HS2ST1: variants seen among roughly 807,000 people sequenced by gnomAD.
HS2ST1 encodes the protein 2-O-sulfotransferase.
A neutral mutation model predicts 42.9 loss-of-function variants in HS2ST1; 18 were observed. The observed-to-expected ratio is 0.42, with a 90% CI of 0.29 to 0.62. HS2ST1 has a LOEUF of 0.62. HS2ST1 is among the 20% of genes least tolerant of loss of function. The probability of loss-of-function intolerance (pLI) is 0.21; values close to 1 mark genes in which losing one functional copy is unlikely to be tolerated. For missense variants in HS2ST1, 334 were observed against 433.8 expected (o/e 0.77, Z 2.04); for synonymous variants, 146 against 152.9 (o/e 0.95, Z 0.33).
chr1:87,086,683 A>G (rs746660758), intron 3 of HS2ST1, among the ~76,000 whole-genome samples: 9 of 152,274 alleles, frequency 5.9e-5, no homozygotes, highest in Non-Finnish European at 1.2e-4. Context: ...TACTCAAGCC[A>G]TGTTTTGATT....
At chr1:87,050,455 T>C (rs1650803504) in intron 1 of HS2ST1, among the ~76,000 whole-genome samples, 1 of 151,362 alleles carries the variant, frequency 6.6e-6, no homozygotes, top group African/African-American at 2.4e-5. Flanking sequence ...GGGACTACAT[T>C]AGAAATAAAA....
intron 1 of HS2ST1, among the ~76,000 whole-genome samples, chr1:87,028,246 A>G (rs1255066150): frequency 6.6e-6 from 1 of 152,214 alleles, no homozygotes; most frequent in Non-Finnish European, 1.5e-5. Context: ...CTGGGCCACA[A>G]TTTCTAAACT....
chr1:87,059,012 T>C (rs1651049459), intron 1 of HS2ST1, among the ~76,000 whole-genome samples: 1 of 151,260 alleles, frequency 6.6e-6, no homozygotes, highest in African/African-American at 2.4e-5. Flanking sequence ...TGAGCCGAGA[T>C]CACACCACTG....
At chr1:87,085,705 GT>G (rs1286526887) in intron 3 of HS2ST1, among the ~76,000 whole-genome samples, 2 of 152,186 alleles carry the variant, frequency 1.3e-5, no homozygotes, top group African/African-American at 4.8e-5. Flanking sequence ...TGAATTGAAT[GT>G]TTGTTACCCT....
At chr1:87,026,376 G>A (rs929310370) in intron 1 of HS2ST1, among the ~76,000 whole-genome samples, 1 of 152,140 alleles carries the variant, frequency 6.6e-6, no homozygotes, top group Non-Finnish European at 1.5e-5. Flanking sequence ...CAGGCATTAG[G>A]TAAATTATGT....
intron 1 of HS2ST1, among the ~76,000 whole-genome samples, chr1:86,935,297 TA>T (rs1015046134): frequency 3.3e-5 from 5 of 151,356 alleles, no homozygotes; most frequent in Non-Finnish European, 5.9e-5. Context: ...GTTAAGTCAT[TA>T]AAAAAAAGAA....
At chr1:86,998,642 T>TAC (rs1431622812) in intron 1 of HS2ST1, among the ~76,000 whole-genome samples, 2 of 152,230 alleles carry the variant, frequency 1.3e-5, no homozygotes, top group Admixed American at 6.5e-5. Context: ...TCTGTTTCCA[T>TAC]ACACACACGT....
At position 86,965,157 on chromosome 1, in the gene HS2ST1, C is replaced by G. The variant is rs939459629; in HGVS notation, c.124+49997C>G. On this transcript the variant is annotated intron_variant, in intron 1 of 6. Transcript: ENST00000370550. ...AGACAAAGTAATTAGCTAAGGAAAT[C>G]AGGATGACTGGAAAATGAGCACAAT... 2.6e-5 allele frequency among the ~76,000 whole-genome samples: 4 copies of G among 152,180 alleles called. No homozygotes were observed. In the East Asian group the frequency reaches 5.8e-4, roughly 22 times the overall value.
At chr1:87,036,613 AATAAAAG>A (rs1416502245) in intron 1 of HS2ST1, among the ~76,000 whole-genome samples, 1 of 152,178 alleles carries the variant, frequency 6.6e-6, no homozygotes, top group Non-Finnish European at 1.5e-5. Flanking sequence ...GTAGGGAAAA[AATAAAAG>A]ATATGCTGGA....
chr1:86,936,933 TAA>T (rs60940882), intron 1 of HS2ST1, among the ~76,000 whole-genome samples: 26 of 98,354 alleles, frequency 2.6e-4, no homozygotes, highest in Admixed American at 5.7e-4. Flanking sequence ...CCGTCTCTAC[TAA>T]AAAAAAAAAA....
intron 1 of HS2ST1, among the ~76,000 whole-genome samples, chr1:87,066,282 G>C (rs1469224761): frequency 6.6e-6 from 1 of 152,166 alleles, no homozygotes; most frequent in Non-Finnish European, 1.5e-5. Context: ...TTCATCAGGA[G>C]CCTGGAAAAA....
chr1:86,980,360 AT>A (rs967333442), intron 1 of HS2ST1, among the ~76,000 whole-genome samples: 1 of 152,222 alleles, frequency 6.6e-6, no homozygotes, highest in African/African-American at 2.4e-5. Context: ...TAAAGAATAT[AT>A]ATTGCAAGAT....
intron 1 of HS2ST1, among the ~76,000 whole-genome samples, chr1:87,007,810 A>G (rs556847900): frequency 4.6e-5 from 7 of 152,238 alleles, no homozygotes; most frequent in African/African-American, 7.2e-5. Context: ...AATAGCATCA[A>G]ATTCTCCTTG....
rs373377954 is a variant in HS2ST1, at chr1:86,963,881, C to G, written c.124+48721C>G. On this transcript the variant is annotated intron_variant, in intron 1 of 6. Transcript: ENST00000370550. The stretch of plus-strand genomic sequence containing the variant: ...GGACGGGGTGGCTGGCCGGGCGGGG[C>G]GGCTGGCCTGGCGGGGGCTGCCCCC... 6.3e-3 allele frequency among the ~76,000 whole-genome samples: 936 copies of G among 148,576 alleles called. 12 individuals are homozygous for G. The highest frequency in any genetic ancestry group is 0.022 in the African/African-American group (898 of 40,706).
At chr1:87,031,926 A>G (rs1321070618) in intron 1 of HS2ST1, among the ~76,000 whole-genome samples, 1 of 152,190 alleles carries the variant, frequency 6.6e-6, no homozygotes, top group Non-Finnish European at 1.5e-5. Context: ...TCATTCAACC[A>G]CCATATTATG....
chr1:87,103,374 A>G, intron 5 of HS2ST1, 58 bp from the exon 6 acceptor site: 1 of 1,487,428 alleles, frequency 6.7e-7, no homozygotes, highest in East Asian at 2.4e-5. Flanking sequence ...TGTCAAAGGC[A>G]CCAGAAACAC....
At chr1:86,943,140 A>G (rs1647215107) in intron 1 of HS2ST1, among the ~76,000 whole-genome samples, 1 of 152,204 alleles carries the variant, frequency 6.6e-6, no homozygotes, top group African/African-American at 2.4e-5. Flanking sequence ...TTGGTTTAAG[A>G]TTAGATTCTC....
Position 87,006,814 on chromosome 1 carries a change from T to G in HS2ST1, c.125-66120T>G, listed in dbSNP as rs144846362. 4.6e-3 allele frequency among the ~76,000 whole-genome samples: 706 copies of G among 152,244 alleles called. 4 individuals are homozygous for G. Among genetic ancestry groups the G allele is most frequent in the Middle Eastern group, 0.02 (6 of 294 alleles). ...TTGCTAACATAAGATAATAGCTTAATCCCTTTATTAGCAATAATTTTTGTT... is the reference window on the plus strand; with the variant it reads ...TTGCTAACATAAGATAATAGCTTAAGCCCTTTATTAGCAATAATTTTTGTT... On this transcript the variant is annotated intron_variant, in intron 1 of 6. Transcript: ENST00000370550.
chr1:87,074,586 C>T (rs1323964674), intron 2 of HS2ST1, among the ~76,000 whole-genome samples: 2 of 152,048 alleles, frequency 1.3e-5, no homozygotes, highest in South Asian at 2.1e-4. Flanking sequence ...AGGAGCTCAC[C>T]ACATATGACA....
Sources: gnomAD v4.1 joint callset for allele counts (sites outside exome capture counted in the v4.1 genomes callset) on GRCh38, gnomAD v4.1.1 for gene constraint, MANE v1.5 for transcripts, NCBI Gene and HGNC (gene_info 2026-07-23, HGNC 2026-07-21) for gene names.